ADGRV1: variants seen among roughly 807,000 people sequenced by gnomAD.
The protein encoded by ADGRV1 is adhesion G protein-coupled receptor V1, also known as G-protein coupled receptor 98.
In ADGRV1, 359 loss-of-function variants were observed where a neutral mutation model predicts 596.2. The ratio of observed to expected loss-of-function variants is 0.60; its 90% CI spans 0.55 to 0.66. ADGRV1 has a LOEUF of 0.66. Ranked by LOEUF, ADGRV1 falls within the 30% of genes least tolerant of loss-of-function variation. ADGRV1 has a pLI of 0.00. For synonymous variants in ADGRV1, 2,681 were observed against 2,679.2 expected, an observed-to-expected ratio of 1.00 and a Z score of -0.02; for missense variants, 7,274 against 7,575.6, an observed-to-expected ratio of 0.96 and a Z score of 1.48.
At chr5:90,979,200 G>A (rs1202566592) in intron 84 of ADGRV1, among the ~76,000 whole-genome samples, 1 of 148,852 alleles carries the variant, frequency 6.7e-6, no homozygotes, top group Admixed American at 6.7e-5. Context: ...ATGGGGTCTT[G>A]TTCTGTCACT....
At chr5:91,109,641 C>A (rs1022049087) in intron 87 of ADGRV1, among the ~76,000 whole-genome samples, 2 of 152,148 alleles carry the variant, frequency 1.3e-5, no homozygotes, top group Non-Finnish European at 2.9e-5. Context: ...CCAGCCCCAG[C>A]AGGAAAAAGC....
At chr5:90,609,958 C>A (rs937050478) in intron 1 of ADGRV1, among the ~76,000 whole-genome samples, 1 of 151,972 alleles carries the variant, frequency 6.6e-6, no homozygotes, top group Admixed American at 6.6e-5. Context: ...TCGATTAATG[C>A]AAAATTAATT....
intron 25 of ADGRV1, among the ~76,000 whole-genome samples, chr5:90,677,117 T>C (rs1349503920): frequency 1.3e-5 from 2 of 152,216 alleles, no homozygotes; most frequent in Admixed American, 6.5e-5. Context: ...ACAGTCCCTT[T>C]CATTACAAAA....
At chr5:91,075,885 T>TA (rs1313741111) in intron 86 of ADGRV1, among the ~76,000 whole-genome samples, 2 of 152,180 alleles carry the variant, frequency 1.3e-5, no homozygotes, top group African/African-American at 4.8e-5. Context: ...CCAAGTTAGT[T>TA]ACTATTATCC....
intron 84 of ADGRV1, among the ~76,000 whole-genome samples, chr5:90,978,672 T>C (rs369984216): frequency 5.9e-5 from 9 of 152,292 alleles, no homozygotes; most frequent in Admixed American, 4.6e-4. Flanking sequence ...TATGCCTGTA[T>C]CAAAACATCA....
At chr5:90,705,018 C>T (rs1748410698) in intron 36 of ADGRV1, among the ~76,000 whole-genome samples, 1 of 152,030 alleles carries the variant, frequency 6.6e-6, no homozygotes, top group African/African-American at 2.4e-5. Flanking sequence ...CCATGTTGGC[C>T]AGGATGATCT....
intron 59 of ADGRV1, among the ~76,000 whole-genome samples, chr5:90,767,049 A>T (rs1757220388): frequency 1.3e-5 from 2 of 152,118 alleles, no homozygotes; most frequent in Non-Finnish European, 2.9e-5. Flanking sequence ...GGAAGGGAGG[A>T]TGGGGAGGTG....
intron 70 of ADGRV1, among the ~76,000 whole-genome samples, chr5:90,794,796 G>A (rs1201976922): frequency 6.6e-6 from 1 of 152,114 alleles, no homozygotes; most frequent in East Asian, 1.9e-4. Flanking sequence ...CATCTCACTG[G>A]GACTGGTTGG....
chr5:91,098,771 C>G (rs1042333930), intron 86 of ADGRV1, among the ~76,000 whole-genome samples: 1 of 152,186 alleles, frequency 6.6e-6, no homozygotes, highest in Non-Finnish European at 1.5e-5. Context: ...ACATACCACT[C>G]GCTTTGCTCT....
At chr5:90,756,701 T>A in intron 56 of ADGRV1, 71 bp downstream of exon 56, 1 of 1,254,324 alleles carries the variant, frequency 8.0e-7, no homozygotes, top group Non-Finnish European at 1.1e-6. Flanking sequence ...GTGTTTTATG[T>A]TTAGCTTTGC....
chr5:90,574,443 A>C (rs1210555713), intron 1 of ADGRV1, among the ~76,000 whole-genome samples: 3 of 152,028 alleles, frequency 2.0e-5, no homozygotes. Flanking sequence ...TCTTGATTTA[A>C]CTTTCAGCCT....
At chr5:91,130,134 A>C (rs13158036) in intron 87 of ADGRV1, among the ~76,000 whole-genome samples, 16,020 of 152,020 alleles carry the variant, frequency 0.11, 853 homozygotes, top group South Asian at 0.19. Context: ...AAATTGGAGA[A>C]AAATTAAATA....
rs375625863 is a variant in ADGRV1, at chr5:90,807,653, C to T, written c.14888C>T (p.Thr4963Met). 3.1e-5 allele frequency: 50 copies of T among 1,613,000 alleles called. No individual in the cohort carries two copies. The highest frequency in any genetic ancestry group is 4.0e-5 in the Non-Finnish European group (47 of 1,179,230). ...GEQRKGVFLW[T>M]FPSPGWPEAF... is the part of the protein sequence containing the mutation. Reference sequence around the variant, plus strand: ...CAAAGGAAAGGAGTTTTCCTGTGGACGTTTCCTAGCCCTGGTTGGCCAGAG... The same window carrying T: ...CAAAGGAAAGGAGTTTTCCTGTGGATGTTTCCTAGCCCTGGTTGGCCAGAG... Residue 4963 changes from threonine to methionine, a missense_variant, in exon 73 of 90, where the codon ACG becomes ATG. Coordinates refer to ENST00000405460, the MANE Select transcript of ADGRV1 (RefSeq NM_032119.4).
chr5:90,864,550 A>G (rs1767908877), intron 83 of ADGRV1, among the ~76,000 whole-genome samples: 1 of 152,168 alleles, frequency 6.6e-6, no homozygotes, highest in African/African-American at 2.4e-5. Flanking sequence ...TGAAGGCTTA[A>G]TTCATTTTTT....
At position 90,757,096 on chromosome 5, in the gene ADGRV1, C is replaced by T. The variant is rs369923145; in HGVS notation, c.11875C>T (p.Pro3959Ser). 2.5e-6 allele frequency: 4 copies of T among 1,613,796 alleles called. No individual in the cohort carries two copies. In the African/African-American group the frequency reaches 5.3e-5, roughly 22 times the overall value. ...GAVNVYWKAS[P>S]DSAGLEDFKP... ...AGTAAATGTTTATTGGAAAGCATCA[C>T]CAGACAGTGCTGGCCTGGAAGACTT... Residue 3959 changes from proline (P) to serine (S), a missense_variant, in exon 57 of 90, where the codon CCA becomes TCA. Pro to Ser is a moderately conservative substitution (Grantham distance 74). Transcript: ENST00000405460.
At chr5:90,631,328 C>T (rs1283188762) in intron 9 of ADGRV1, among the ~76,000 whole-genome samples, 4 of 152,034 alleles carry the variant, frequency 2.6e-5, no homozygotes, top group East Asian at 3.9e-4. Context: ...AAGACTCCCG[C>T]GTTTTTTTAA....
At chr5:91,029,033 G>T (rs191880199) in intron 85 of ADGRV1, among the ~76,000 whole-genome samples, 30 of 152,042 alleles carry the variant, frequency 2.0e-4, no homozygotes, top group Non-Finnish European at 4.0e-4. Context: ...ACTACACCTG[G>T]CCAAAACATT....
At chr5:90,639,458 T>A (rs2149416901) in intron 11 of ADGRV1, among the ~76,000 whole-genome samples, 1 of 152,316 alleles carries the variant, frequency 6.6e-6, no homozygotes, top group South Asian at 2.1e-4. Flanking sequence ...TTTCTAACTA[T>A]TCATTTTTAA....
At position 90,642,653 on chromosome 5, in the gene ADGRV1, A is replaced by G. The variant is rs1359753829; in HGVS notation, c.2258A>G (p.Gln753Arg). The G allele has an allele frequency of 2.5e-6, 4 of 1,613,248 alleles. No individual in the cohort carries two copies. The African/African-American group carries it at 4.0e-5, about 16-fold the overall frequency. ...LSLDRVNVEN[Q>R]VLKSGYTSRD... Reference sequence around the variant, plus strand: ...TTCTCTAGGGTTAACGTGGAAAACCAAGTGCTGAAATCTGGATATACTAGC... The same window carrying G: ...TTCTCTAGGGTTAACGTGGAAAACCGAGTGCTGAAATCTGGATATACTAGC... Residue 753 changes from glutamine (Q) to arginine (R), a missense_variant, in exon 12 of 90, where the codon CAA becomes CGA. Gln to Arg is a conservative substitution (Grantham distance 43). Transcript: ENST00000405460.
Sources: allele counts gnomAD v4.1 joint callset (sites outside exome capture counted in the v4.1 genomes callset), GRCh38; gene constraint gnomAD v4.1.1; transcripts MANE v1.5; gene names NCBI Gene and HGNC (gene_info 2026-07-23, HGNC 2026-07-21).